ZSWIM5: variants seen among roughly 807,000 people sequenced by gnomAD.
ZSWIM5 encodes the protein zinc finger SWIM domain-containing protein 5.
Under a neutral mutation model 119.6 loss-of-function variants are expected in ZSWIM5, and 55 were observed. The ratio of observed to expected loss-of-function variants is 0.46; its 90% confidence interval spans 0.37 to 0.58. The LOEUF is 0.58. Ranked by LOEUF, ZSWIM5 falls within the 20% of genes least tolerant of loss-of-function variation. ZSWIM5 has a pLI of 0.00. For synonymous variants in ZSWIM5, 537 were observed against 606.9 expected, an observed-to-expected ratio of 0.88 and a Z score of 1.69; for missense variants, 1,193 against 1,512.8, an observed-to-expected ratio of 0.79 and a Z score of 3.51.
At chr1:45,107,331 A>G (rs1335826018) in intron 1 of ZSWIM5, among the ~76,000 whole-genome samples, 1 of 152,104 alleles carries the variant, frequency 6.6e-6, no homozygotes, top group Non-Finnish European at 1.5e-5. Context: ...CATGCATAAA[A>G]CAATTACTTT....
intron 4 of ZSWIM5, among the ~76,000 whole-genome samples, chr1:45,054,077 T>C (rs926014678): frequency 1.3e-5 from 2 of 151,788 alleles, no homozygotes; most frequent in African/African-American, 4.8e-5. Flanking sequence ...GCCAGGAGTT[T>C]GAGATCAGCC....
At position 45,042,470 on chromosome 1, in the gene ZSWIM5, G is replaced by A. The variant is rs78929822; in HGVS notation, c.1609+749C>T. Among the ~76,000 whole-genome samples the A allele has an allele frequency of 3.2e-3, 488 of 152,304 alleles. 2 individuals are homozygous for A. The highest frequency in any genetic ancestry group is 0.016 in the South Asian group (76 of 4,824). The stretch of plus-strand genomic sequence containing the variant: ...GAAACTTCAGGTGGTGACACGGTGA[G>A]TCTGGCTATTGCTTTCAAGAGAGAG... On this transcript the variant is annotated intron_variant, in intron 6 of 13. Coordinates refer to ENST00000359600, the MANE Select transcript of ZSWIM5 (RefSeq NM_020883.2).
intron 11 of ZSWIM5, among the ~76,000 whole-genome samples, chr1:45,031,987 ATTTTC>A (rs1644956165): frequency 6.6e-6 from 1 of 151,988 alleles, no homozygotes. Context: ...AGATTTTCTA[ATTTTC>A]TTGTGATTTT....
intron 2 of ZSWIM5, among the ~76,000 whole-genome samples, chr1:45,063,710 T>C (rs533833791): frequency 5.9e-5 from 9 of 152,016 alleles, no homozygotes; most frequent in South Asian, 2.1e-4. Flanking sequence ...ACAGAAACCA[T>C]AGGAAGGCGC....
chr1:45,062,314 T>C (rs956048769), intron 2 of ZSWIM5, among the ~76,000 whole-genome samples: 2 of 152,176 alleles, frequency 1.3e-5, no homozygotes, highest in African/African-American at 4.8e-5. Context: ...TCTGCTTAAA[T>C]AAAATTTGGG....
At chr1:45,124,797 A>G (rs1429594813) in intron 1 of ZSWIM5, among the ~76,000 whole-genome samples, 1 of 152,192 alleles carries the variant, frequency 6.6e-6, no homozygotes, top group Non-Finnish European at 1.5e-5. Flanking sequence ...TAATCAAAAG[A>G]AAGTAGTAGT....
chr1:45,200,170 C>T (rs1485086305), intron 1 of ZSWIM5, among the ~76,000 whole-genome samples: 1 of 152,160 alleles, frequency 6.6e-6, no homozygotes, highest in Non-Finnish European at 1.5e-5. Context: ...GGACAAACCA[C>T]ATTATACATC....
intron 1 of ZSWIM5, among the ~76,000 whole-genome samples, chr1:45,095,214 AC>A (rs1645392900): frequency 6.6e-6 from 1 of 151,802 alleles, no homozygotes; most frequent in Non-Finnish European, 1.5e-5. Context: ...TGCAGCCTCA[AC>A]CTCCTGGGCT....
intron 1 of ZSWIM5, among the ~76,000 whole-genome samples, chr1:45,111,580 C>T (rs1483685426): frequency 6.6e-6 from 1 of 152,246 alleles, no homozygotes; most frequent in Non-Finnish European, 1.5e-5. Flanking sequence ...GGCAGGGCTG[C>T]ATTCCTTCTG....
At chr1:45,071,629 T>A (rs1449474592) in intron 2 of ZSWIM5, among the ~76,000 whole-genome samples, 1 of 151,860 alleles carries the variant, frequency 6.6e-6, no homozygotes, top group African/African-American at 2.4e-5. Context: ...GCTACTTTTT[T>A]GTAATTTTTG....
At position 45,050,239 on chromosome 1, in the gene ZSWIM5, C is replaced by T. The variant is rs181153530; in HGVS notation, c.1432+835G>A. 2.6e-5 allele frequency among the ~76,000 whole-genome samples: 4 copies of T among 152,186 alleles called. No individual in the cohort carries two copies. In the East Asian group the frequency reaches 5.8e-4, roughly 22 times the overall value. On this transcript the variant is annotated intron_variant, in intron 5 of 13. Coordinates refer to ENST00000359600, the MANE Select transcript of ZSWIM5 (RefSeq NM_020883.2). Reference sequence around the variant, plus strand: ...GCGTGGTGGCTCTCACACCTGAAATCCCAGCTACTCGGGAGGCTGAGGCAT... The same window carrying T: ...GCGTGGTGGCTCTCACACCTGAAATTCCAGCTACTCGGGAGGCTGAGGCAT...
intron 11 of ZSWIM5, among the ~76,000 whole-genome samples, chr1:45,026,233 CTATGT>C (rs1644919429): frequency 6.6e-6 from 1 of 152,004 alleles, no homozygotes; most frequent in African/African-American, 2.4e-5. Context: ...TGAGGTCTTG[CTATGT>C]TATCCAGGCT....
At chr1:45,121,856 G>T (rs1246677771) in intron 1 of ZSWIM5, among the ~76,000 whole-genome samples, 1 of 152,046 alleles carries the variant, frequency 6.6e-6, no homozygotes, top group Non-Finnish European at 1.5e-5. Flanking sequence ...TTAAAGTGCT[G>T]GGATTAGAGG....
intron 2 of ZSWIM5, among the ~76,000 whole-genome samples, chr1:45,085,653 T>G (rs1048913769): frequency 2.2e-4 from 33 of 152,084 alleles, no homozygotes; most frequent in African/African-American, 7.5e-4. Context: ...ACTCTCAAGT[T>G]CAAAGTTCCA....
rs982678534 is a variant in ZSWIM5 at position 45,088,642 on chromosome 1, T to A, written c.596-405A>T. 1.1e-4 allele frequency among the ~76,000 whole-genome samples: 17 copies of A among 152,200 alleles called. No individual in the cohort carries two copies. The highest frequency in any genetic ancestry group is 3.9e-4 in the African/African-American group (16 of 41,542). On this transcript the variant is annotated intron_variant, in intron 1 of 13. Transcript: ENST00000359600. The surrounding 1 kb of genome is among the most constrained non-coding windows in gnomAD (Gnocchi z 4.2). ...GGCAAAGACAAGTCTACAAATAATA[T>A]CTGTATAATCTAGAGTAAGGTAGAT...
At chr1:45,051,653 G>A (rs1462705287) in intron 4 of ZSWIM5, among the ~76,000 whole-genome samples, 5 of 152,212 alleles carry the variant, frequency 3.3e-5, no homozygotes, top group Non-Finnish European at 7.3e-5. Flanking sequence ...AATATGATAA[G>A]TATTAAGATA....
chr1:45,066,224 C>T (rs1206595582), intron 2 of ZSWIM5, among the ~76,000 whole-genome samples: 1 of 151,980 alleles, frequency 6.6e-6, no homozygotes. Flanking sequence ...AGTATTCCCC[C>T]CCATGGAGAA....
chr1:45,097,915 T>C (rs1645412885), intron 1 of ZSWIM5, among the ~76,000 whole-genome samples: 1 of 152,120 alleles, frequency 6.6e-6, no homozygotes, highest in South Asian at 2.1e-4. Flanking sequence ...TATAAAATGA[T>C]AGGGTAGTAT....
At chr1:45,188,658 T>C (rs1646073626) in intron 1 of ZSWIM5, among the ~76,000 whole-genome samples, 1 of 152,208 alleles carries the variant, frequency 6.6e-6, no homozygotes, top group South Asian at 2.1e-4. Context: ...CATTCCAGAC[T>C]ACAAAGTCTT....
Sources: allele counts gnomAD v4.1 joint callset (sites outside exome capture counted in the v4.1 genomes callset), GRCh38; gene constraint gnomAD v4.1.1; non-coding constraint Gnocchi (gnomAD v3.1); transcripts MANE v1.5; gene names NCBI Gene and HGNC (gene_info 2026-07-23, HGNC 2026-07-21).